Variants in SLC35D2 observed in about 807,000 individuals in gnomAD.
SLC35D2 encodes solute carrier family 35 member D2.
A neutral mutation model predicts 41.8 loss-of-function variants in SLC35D2; 43 were observed. That is an observed-to-expected ratio of 1.03 (90% CI 0.81 to 1.33). SLC35D2 has a LOEUF of 1.33. Ranked by LOEUF, SLC35D2 falls within the 40% of genes most tolerant of loss-of-function variation. The pLI is 0.00. For synonymous variants in SLC35D2, 150 were observed against 163.9 expected (o/e 0.92, Z 0.65); for missense variants, 380 against 408.4 (o/e 0.93, Z 0.60).
intron 7 of SLC35D2, among the ~76,000 whole-genome samples, chr9:96,344,722 G>A (rs990307107): frequency 7.2e-6 from 1 of 139,666 alleles, no homozygotes; most frequent in African/African-American, 2.8e-5. Flanking sequence ...GGGGGTGGGG[G>A]AGGGATGGGG....
At chr9:96,324,456 T>C (rs1051288140) in intron 9 of SLC35D2, among the ~76,000 whole-genome samples, 4 of 152,086 alleles carry the variant, frequency 2.6e-5, no homozygotes, top group Admixed American at 2.6e-4. Context: ...GAGAACAAGG[T>C]TTAATGACCT....
At chr9:96,333,594 C>CAAA (rs573718212) in intron 9 of SLC35D2, among the ~76,000 whole-genome samples, 7 of 68,688 alleles carry the variant, frequency 1.0e-4, no homozygotes, top group African/African-American at 2.0e-4. Context: ...GACTCCGTCT[C>CAAA]AAAAAAAAAA....
intron 6 of SLC35D2, among the ~76,000 whole-genome samples, chr9:96,348,875 G>A (rs1346559745): frequency 1.3e-5 from 2 of 152,152 alleles, no homozygotes; most frequent in East Asian, 1.9e-4. Flanking sequence ...GCATACCCAC[G>A]GTAACTGAAG....
At chr9:96,353,681 G>T (rs1251618336) in intron 4 of SLC35D2, among the ~76,000 whole-genome samples, 1 of 152,184 alleles carries the variant, frequency 6.6e-6, no homozygotes, top group Non-Finnish European at 1.5e-5. Context: ...TTAAAAGGTA[G>T]ATTATGGGTG....
intron 9 of SLC35D2, among the ~76,000 whole-genome samples, chr9:96,332,305 A>G (rs1828844057): frequency 6.6e-6 from 1 of 152,124 alleles, no homozygotes; most frequent in South Asian, 2.1e-4. Context: ...GCCCAAGTCC[A>G]GCACCAGTCC....
intron 8 of SLC35D2, among the ~76,000 whole-genome samples, chr9:96,339,142 G>A (rs904344370): frequency 4.6e-5 from 7 of 151,380 alleles, no homozygotes; most frequent in African/African-American, 7.3e-5. Context: ...ATGGAGTCTC[G>A]CCCTGTCGCC....
At chr9:96,370,912 A>G (rs1169178772) in intron 1 of SLC35D2, among the ~76,000 whole-genome samples, 1 of 152,186 alleles carries the variant, frequency 6.6e-6, no homozygotes, top group African/African-American at 2.4e-5. Context: ...CTAAGACCAA[A>G]CAACCTAACT....
intron 4 of SLC35D2, among the ~76,000 whole-genome samples, chr9:96,359,535 C>T (rs1483647480): frequency 6.7e-6 from 1 of 149,896 alleles, no homozygotes; most frequent in African/African-American, 2.5e-5. Flanking sequence ...ACTAAAAATA[C>T]AAAACTTAGC....
chr9:96,381,063 CCT>C (rs1831179689), intron 1 of SLC35D2, among the ~76,000 whole-genome samples: 1 of 152,252 alleles, frequency 6.6e-6, no homozygotes, highest in Non-Finnish European at 1.5e-5. Context: ...GCTTCCAGCC[CCT>C]CTCCCTGATG....
chr9:96,323,179 G>A (rs187915874), intron 10 of SLC35D2, among the ~76,000 whole-genome samples: 4 of 152,172 alleles, frequency 2.6e-5, no homozygotes, highest in East Asian at 1.9e-4. Flanking sequence ...TGCATTCTAG[G>A]AGACCTCTGG....
chr9:96,364,552 T>C lies in SLC35D2; in HGVS notation c.193-2A>G, dbSNP rs1250756595. ...TAGTATCATTATGGTGGCTGCCATC[T>C]GAAGAAAAGGGGAGAGAGAAACTTC... On this transcript the variant is annotated splice_acceptor_variant, in intron 2 of 11. Transcript: ENST00000253270. LOFTEE classifies it high-confidence loss of function. 2.5e-6 allele frequency: 4 copies of C among 1,580,752 alleles called. No individual in the cohort carries two copies. The highest frequency in any genetic ancestry group is 1.3e-5 in the African/African-American group (1 of 74,202).
chr9:96,366,032 A>G (rs900115783), intron 2 of SLC35D2, among the ~76,000 whole-genome samples: 1 of 152,218 alleles, frequency 6.6e-6, no homozygotes, highest in Non-Finnish European at 1.5e-5. Context: ...GGCCAGGCGC[A>G]GTGGCTCACG....
At chr9:96,364,693 AT>A (rs1177102637) in intron 2 of SLC35D2, 143 bp from the exon 3 acceptor site, 1 of 665,628 alleles carries the variant, frequency 1.5e-6, no homozygotes, top group African/African-American at 1.8e-5. Flanking sequence ...AAAAATAACT[AT>A]TTCTTAGAAT....
chr9:96,342,021 A>G (rs1829348997), intron 8 of SLC35D2, among the ~76,000 whole-genome samples: 1 of 151,824 alleles, frequency 6.6e-6, no homozygotes, highest in African/African-American at 2.4e-5. Flanking sequence ...AAACAAAACA[A>G]AAACAAAAAA....
chr9:96,373,275 A>G lies in SLC35D2; in HGVS notation c.159-4970T>C, dbSNP rs569497088. Among the ~76,000 whole-genome samples, 16 of 152,280 alleles carry G rather than the reference A, an allele frequency of 1.1e-4. No homozygotes were observed. In the South Asian group the frequency reaches 1.7e-3, roughly 16 times the overall value. On this transcript the variant is annotated intron_variant, in intron 1 of 11. Transcript: ENST00000253270. Reference sequence around the variant, plus strand: ...GTAGCCATAAAATGCCATACACCCTATAGTTCAACAATGTGTAGCCAATCA... The same window carrying G: ...GTAGCCATAAAATGCCATACACCCTGTAGTTCAACAATGTGTAGCCAATCA...
intron 9 of SLC35D2, among the ~76,000 whole-genome samples, chr9:96,330,987 T>A (rs1365927300): frequency 6.6e-6 from 1 of 152,182 alleles, no homozygotes; most frequent in African/African-American, 2.4e-5. Flanking sequence ...AACCTCCACC[T>A]CCCAGGTTCA....
intron 8 of SLC35D2, among the ~76,000 whole-genome samples, chr9:96,342,602 A>T (rs1024901527): frequency 6.6e-6 from 1 of 152,226 alleles, no homozygotes; most frequent in Non-Finnish European, 1.5e-5. Flanking sequence ...AGGGAGGCTC[A>T]GGTTCACAAC....
At chr9:96,379,538 T>C (rs1388545949) in intron 1 of SLC35D2, among the ~76,000 whole-genome samples, 2 of 152,116 alleles carry the variant, frequency 1.3e-5, no homozygotes, top group Non-Finnish European at 2.9e-5. Flanking sequence ...GGAAAAAGTA[T>C]CCCCTGAGCT....
At chr9:96,370,106 T>G (rs1303994364) in intron 1 of SLC35D2, among the ~76,000 whole-genome samples, 1 of 152,114 alleles carries the variant, frequency 6.6e-6, no homozygotes, top group Admixed American at 6.5e-5. Flanking sequence ...GGCCTGCATT[T>G]TAACTGTTGG....
Sources: gnomAD v4.1 joint callset for allele counts (sites outside exome capture counted in the v4.1 genomes callset) on GRCh38, gnomAD v4.1.1 for gene constraint, MANE v1.5 for transcripts, NCBI Gene and HGNC (gene_info 2026-07-23, HGNC 2026-07-21) for gene names.